Variants in EIF4E observed in about 807,000 individuals in gnomAD.
EIF4E encodes the protein eukaryotic translation initiation factor 4E, also known as eIF-4F 25 kDa subunit.
For synonymous variants in EIF4E, 71 were observed against 88.5 expected, an observed-to-expected ratio of 0.80 and a Z score of 1.11; for missense variants, 113 against 265.6, an observed-to-expected ratio of 0.43 and a Z score of 3.99.
chr4:98,896,176 C>A (rs961254582), intron 2 of EIF4E, among the ~76,000 whole-genome samples: 7 of 136,956 alleles, frequency 5.1e-5, no homozygotes, highest in African/African-American at 2.2e-4. Context: ...AGCCTGGTGA[C>A]AGAGCGAGGC....
intron 2 of EIF4E, chr4:98,895,477 T>C (rs1724340392): frequency 6.6e-6 from 1 of 152,228 alleles, no homozygotes; most frequent in African/African-American, 2.4e-5. Context: ...GAAATTTCAT[T>C]TTCTCATCAA....
chr4:98,910,060 G>T, intron 1 of EIF4E: 1 of 289,738 alleles, frequency 3.5e-6, no homozygotes, highest in Non-Finnish European at 6.3e-6. Context: ...TGAAAACACT[G>T]AAAAACTGCC....
chr4:98,887,880 T>C lies in EIF4E; in HGVS notation c.285+9A>G, dbSNP rs776832187. 7.4e-6 allele frequency: 12 copies of C among 1,611,160 alleles called. No individual in the cohort carries two copies. Among genetic ancestry groups the C allele is most frequent in the Middle Eastern group, 1.6e-4 (1 of 6,064 alleles). The stretch of plus-strand genomic sequence containing the variant: ...ATAATAAATATATAAAATCACCAAT[T>C]AAGCATACCTTAAAAAGTGAGTAGT... On this transcript the variant is annotated intron_variant, in intron 4 of 6. Transcript: ENST00000450253. This position sits in a 1 kb window ranked among gnomAD's most constrained non-coding sequence, Gnocchi z 4.0.
At chr4:98,918,305 G>A (rs1725485472) in intron 1 of EIF4E, among the ~76,000 whole-genome samples, 1 of 150,410 alleles carries the variant, frequency 6.6e-6, no homozygotes, top group Non-Finnish European at 1.5e-5. Context: ...GGAGGTTGCA[G>A]TGAGCCGAGA....
intron 3 of EIF4E, among the ~76,000 whole-genome samples, chr4:98,889,917 A>G (rs1177250999): frequency 6.6e-6 from 1 of 152,200 alleles, no homozygotes; most frequent in Non-Finnish European, 1.5e-5. Context: ...TGATGTTTTG[A>G]TGATGGGCAA....
chr4:98,916,242 T>C (rs1725376060), intron 1 of EIF4E, among the ~76,000 whole-genome samples: 2 of 131,622 alleles, frequency 1.5e-5, no homozygotes, highest in Non-Finnish European at 1.6e-5. Context: ...ATTTTGCATG[T>C]ATATAACAAT....
intron 2 of EIF4E, 59 bp downstream of exon 2, chr4:98,901,817 C>A: frequency 1.4e-6 from 2 of 1,454,756 alleles, no homozygotes; most frequent in South Asian, 2.3e-5. Context: ...TTCAAACTTG[C>A]CCCATTCACA....
chr4:98,896,737 C>A (rs932366817), intron 2 of EIF4E, among the ~76,000 whole-genome samples: 1 of 143,498 alleles, frequency 7.0e-6, no homozygotes, highest in African/African-American at 2.6e-5. Flanking sequence ...CAGTATTTTG[C>A]GAGGCCGAGG....
chr4:98,917,473 C>T lies in EIF4E; in HGVS notation c.18+11622G>A, dbSNP rs564417994. ...AGTAGAAATTCTAGGAAGCTGAAGC[C>T]AAACTATAAACCAAAAACTGTGTTC... On this transcript the variant is annotated intron_variant, in intron 1 of 6. Transcript: ENST00000450253. 9.2e-5 allele frequency among the ~76,000 whole-genome samples: 14 copies of T among 152,162 alleles called. No individual in the cohort carries two copies. The South Asian group carries it at 2.9e-3, about 32-fold the overall frequency.
At chr4:98,914,870 C>CG (rs971863572) in intron 1 of EIF4E, among the ~76,000 whole-genome samples, 4 of 152,102 alleles carry the variant, frequency 2.6e-5, no homozygotes, top group African/African-American at 9.7e-5. Context: ...GTACCTGCAC[C>CG]GGGGCAAGGA....
chr4:98,892,299 C>T (rs1724174980), intron 2 of EIF4E, among the ~76,000 whole-genome samples: 1 of 125,352 alleles, frequency 8.0e-6, no homozygotes, highest in African/African-American at 3.3e-5. Flanking sequence ...CCAGCCTGGG[C>T]AACAAGAGCG....
chr4:98,907,855 A>G (rs114651659), intron 1 of EIF4E, among the ~76,000 whole-genome samples: 2,176 of 152,286 alleles, frequency 0.014, 16 homozygotes, highest in Non-Finnish European at 0.02. Context: ...AGAGTTTGGC[A>G]CTGAAGTGAT....
rs368693163 is a variant in EIF4E, at chr4:98,928,885, G to A, written c.18+210C>T. The stretch of plus-strand genomic sequence containing the variant: ...CCCCCACACCGCTCCCCCAGTTCTC[G>A]GGCCCCCACCAGAAAGTGTGCGCTA... On this transcript the variant is annotated intron_variant, in intron 1 of 6. Coordinates refer to ENST00000450253, the MANE Select transcript of EIF4E (RefSeq NM_001968.5). The A allele has an allele frequency of 1.7e-4, 269 of 1,549,340 alleles. 1 individual carries two copies. The highest frequency in any genetic ancestry group is 6.3e-5 in the Non-Finnish European group (72 of 1,146,608).
intron 1 of EIF4E, among the ~76,000 whole-genome samples, chr4:98,905,787 GAAAGCGAAGAAAA>G (rs1215001321): frequency 1.3e-5 from 2 of 152,106 alleles, no homozygotes; most frequent in Non-Finnish European, 2.9e-5. Context: ...AGAGAAAGTT[GAAAGCGAAGAAAA>G]AAAGCAAGCA....
At chr4:98,907,427 A>C (rs1422434395) in intron 1 of EIF4E, among the ~76,000 whole-genome samples, 1 of 152,186 alleles carries the variant, frequency 6.6e-6, no homozygotes, top group East Asian at 1.9e-4. Context: ...ATTGAAATCA[A>C]GCATCAAAAA....
intron 5 of EIF4E, 71 bp from the exon 6 acceptor site, chr4:98,885,132 G>A (rs1723859618): frequency 1.3e-6 from 2 of 1,518,468 alleles, no homozygotes; most frequent in Non-Finnish European, 1.8e-6. Flanking sequence ...TGTCTCTTCT[G>A]TATTTGCATA....
chr4:98,909,676 A>C (rs1446551412), intron 1 of EIF4E: 2 of 711,616 alleles, frequency 2.8e-6, no homozygotes, highest in South Asian at 3.0e-5. Flanking sequence ...AAGGCTTATC[A>C]CCTGGGATTC....
intron 1 of EIF4E, 90 bp from the exon 2 acceptor site, chr4:98,902,072 T>C: frequency 7.7e-7 from 1 of 1,296,644 alleles, no homozygotes; most frequent in East Asian, 2.4e-5. Flanking sequence ...GATATGCTGA[T>C]AATTTTTTTT....
At chr4:98,903,974 C>G (rs1233361690) in intron 1 of EIF4E, among the ~76,000 whole-genome samples, 2 of 152,090 alleles carry the variant, frequency 1.3e-5, no homozygotes, top group African/African-American at 4.8e-5. Flanking sequence ...GAGAGACTGG[C>G]AGGCAGGTAG....
Sources: allele counts gnomAD v4.1 joint callset (sites outside exome capture counted in the v4.1 genomes callset), GRCh38; gene constraint gnomAD v4.1.1; non-coding constraint Gnocchi (gnomAD v3.1); transcripts MANE v1.5; gene names NCBI Gene and HGNC (gene_info 2026-07-23, HGNC 2026-07-21).